Variants in ANXA1 observed in about 807,000 individuals in gnomAD.
ANXA1 encodes annexin A1.
A neutral mutation model predicts 47.9 loss-of-function variants in ANXA1; 39 were observed. That is an observed-to-expected ratio of 0.81 (90% CI 0.63 to 1.06). ANXA1 has a LOEUF of 1.06. Ranked by LOEUF, ANXA1 falls within the 50% of genes least tolerant of loss-of-function variation. The pLI is 0.00. For missense variants in ANXA1, 446 were observed against 422.7 expected (o/e 1.06, Z -0.48); for synonymous variants, 146 against 142.5 (o/e 1.02, Z -0.17).
chr9:73,165,664 T>C (rs1008164888), intron 9 of ANXA1: 1 of 165,236 alleles, frequency 6.1e-6, no homozygotes, highest in African/African-American at 2.4e-5. Flanking sequence ...TCTGGGCCTC[T>C]TGGAAGTGAA....
chr9:73,166,708 C>T (rs1213720680), intron 10 of ANXA1, among the ~76,000 whole-genome samples: 2 of 152,096 alleles, frequency 1.3e-5, no homozygotes, highest in African/African-American at 2.4e-5. Context: ...AGCAGTGTTT[C>T]TCATTCATGA....
At chr9:73,152,573 G>C (rs1016198987) in intron 1 of ANXA1, among the ~76,000 whole-genome samples, 3 of 151,860 alleles carry the variant, frequency 2.0e-5, no homozygotes, top group Admixed American at 2.0e-4. Flanking sequence ...TTTCTTGTAG[G>C]CTCTGTGTCA....
In ANXA1 at chr9:73,165,226, T is replaced by C. The variant is rs1256560384; in HGVS notation, c.706+17T>C. 1 of 1,602,186 alleles carries C rather than the reference T, an allele frequency of 6.2e-7. No homozygotes were observed. Among genetic ancestry groups the C allele is most frequent in the Admixed American group, 1.7e-5 (1 of 59,416 alleles). ...TTCGCAGAGGTAACAATAAATTTCTTTTTCTGGAATCTGTTTATGGAAGAT... is the reference window on the plus strand; with the variant it reads ...TTCGCAGAGGTAACAATAAATTTCTCTTTCTGGAATCTGTTTATGGAAGAT... On this transcript the variant is annotated intron_variant, in intron 9 of 12. Transcript: ENST00000257497.
chr9:73,165,279 G>T, intron 9 of ANXA1, 70 bp downstream of exon 9: 2 of 1,284,964 alleles, frequency 1.6e-6, no homozygotes, highest in South Asian at 1.3e-5. Flanking sequence ...TGACAAATAA[G>T]AGAAAGTAAA....
Position 73,158,514 on chromosome 9 carries a change from C to A in ANXA1, c.-14-8C>A. ...TTTTGTAAAAGCATCTAACTGTTTT[C>A]TTTCCAGACACTTTTTCAAAAATGG... is the stretch of plus-strand genomic sequence containing the variant. On this transcript the variant is annotated splice_region_variant and splice_polypyrimidine_tract_variant and intron_variant, in intron 1 of 12. Transcript: ENST00000257497. The A allele has an allele frequency of 1.2e-6, 2 of 1,611,732 alleles. No individual in the cohort carries two copies. Among genetic ancestry groups the A allele is most frequent in the South Asian group, 1.1e-5 (1 of 91,010 alleles).
intron 9 of ANXA1, chr9:73,165,608 A>G (rs1360490222): frequency 6.0e-6 from 1 of 165,636 alleles, no homozygotes; most frequent in Non-Finnish European, 1.3e-5. Flanking sequence ...AACAACAACA[A>G]GACAAAACTC....
intron 1 of ANXA1, among the ~76,000 whole-genome samples, chr9:73,152,556 C>CA (rs1823988479): frequency 6.6e-6 from 1 of 152,154 alleles, no homozygotes; most frequent in South Asian, 2.1e-4. Flanking sequence ...GGTGTGGCCA[C>CA]ATTCCTTTTC....
rs971784212 is a variant in ANXA1 at position 73,169,287 on chromosome 9, T to C, written c.984+133T>C. The C allele has an allele frequency of 9.3e-6, 9 of 963,380 alleles. No homozygotes were observed. In the South Asian group the frequency reaches 2.3e-4, roughly 25 times the overall value. 59.7% of individuals were successfully genotyped at this position (963,380 alleles called of 1,614,324 possible). A position where few individuals can be genotyped will look rare whatever the true frequency, so the allele number is the denominator to read the frequency against. The stretch of plus-strand genomic sequence containing the variant: ...TAATTTAATATATTATGGTGTATAC[T>C]TCATGAGTAAATTGAACTTTCACTG... On this transcript the variant is annotated intron_variant, in intron 12 of 12. Transcript: ENST00000257497.
At chr9:73,152,684 C>T (rs1211348302) in intron 1 of ANXA1, among the ~76,000 whole-genome samples, 1 of 152,112 alleles carries the variant, frequency 6.6e-6, no homozygotes, top group Non-Finnish European at 1.5e-5. Context: ...CAGTGAGGCC[C>T]TCCAACAGCT....
Position 73,169,063 on chromosome 9 carries a change from G to A in ANXA1, c.893G>A (p.Arg298Lys). 6.2e-7 allele frequency: 1 copy of A among 1,613,190 alleles called. No individual in the cohort carries two copies. Among genetic ancestry groups the A allele is most frequent in the Non-Finnish European group, 8.5e-7 (1 of 1,179,442 alleles). ...GGAACTCGCCATAAGGCATTGATCA[G>A]GATTATGGTTTCCCGTTCTGAAATT... ...GVGTRHKALI[R>K]IMVSRSEIDM... Residue 298 changes from arginine to lysine, a missense_variant, in exon 12 of 13, where the codon AGG becomes AAG. By Grantham distance (26) the Arg-to-Lys change is conservative. Coordinates refer to ENST00000257497, the MANE Select transcript of ANXA1 (RefSeq NM_000700.3).
intron 1 of ANXA1, among the ~76,000 whole-genome samples, chr9:73,153,506 G>A (rs1342193712): frequency 3.9e-5 from 6 of 152,076 alleles, no homozygotes; most frequent in Admixed American, 1.3e-4. Flanking sequence ...TAATATTTAA[G>A]ATTGGCACTT....
intron 1 of ANXA1, chr9:73,157,926 G>T (rs73491639): frequency 6.6e-6 from 1 of 152,216 alleles, no homozygotes; most frequent in Admixed American, 6.5e-5. Flanking sequence ...GAAGCTTCTT[G>T]TTTCAGCTTC....
chr9:73,164,489 G>A (rs571643266), intron 8 of ANXA1, among the ~76,000 whole-genome samples: 3 of 152,000 alleles, frequency 2.0e-5, no homozygotes, highest in South Asian at 4.2e-4. Context: ...AGACTATCAG[G>A]GTTCTTAATA....
intron 11 of ANXA1, 75 bp downstream of exon 11, chr9:73,167,630 T>A: frequency 7.4e-7 from 1 of 1,357,228 alleles, no homozygotes. Flanking sequence ...CCTCATGTTG[T>A]TTGAAAATCT....
intron 10 of ANXA1, among the ~76,000 whole-genome samples, chr9:73,166,731 A>G (rs1361850992): frequency 6.6e-6 from 1 of 152,114 alleles, no homozygotes; most frequent in Non-Finnish European, 1.5e-5. Context: ...ATGCACTTGA[A>G]TCCCCTGGAA....
intron 4 of ANXA1, 44 bp from the exon 5 acceptor site, chr9:73,160,219 A>T (rs1053093162): frequency 2.2e-6 from 3 of 1,365,294 alleles, no homozygotes; most frequent in African/African-American, 3.0e-5. Context: ...TTAACCTAGC[A>T]TGTTACTTAT....
chr9:73,160,714 C>A, intron 5 of ANXA1, 89 bp from the exon 6 acceptor site: 3 of 913,256 alleles, frequency 3.3e-6, no homozygotes, highest in South Asian at 1.6e-5. Flanking sequence ...ATGACAGAGT[C>A]AAACAAATTT....
chr9:73,168,751 C>T lies in ANXA1; in HGVS notation c.862-281C>T, dbSNP rs199593150. ...ATTAGATTTGCAGTTTAGAAGTTCC[C>T]TTTTTTTGTAATTATTGGACAGTGT... On this transcript the variant is annotated intron_variant, in intron 11 of 12. Coordinates refer to ENST00000257497, the MANE Select transcript of ANXA1 (RefSeq NM_000700.3). The T allele has an allele frequency of 3.0e-5, 6 of 202,826 alleles. No homozygotes were observed. In the East Asian group the frequency reaches 5.1e-4, roughly 17 times the overall value. The allele number at this position is 202,826 out of a possible 1,614,324, so 12.6% of individuals were successfully genotyped here.
intron 11 of ANXA1, chr9:73,167,884 G>A: frequency 4.4e-6 from 1 of 226,022 alleles, no homozygotes; most frequent in Non-Finnish European, 8.7e-6. Flanking sequence ...CTCTAAGGTT[G>A]TGAGTTTTAT....
Sources: allele counts gnomAD v4.1 joint callset (sites outside exome capture counted in the v4.1 genomes callset), GRCh38; gene constraint gnomAD v4.1.1; transcripts MANE v1.5; gene names NCBI Gene and HGNC (gene_info 2026-07-23, HGNC 2026-07-21).